Variants in OXR1 observed in about 807,000 individuals in gnomAD.
OXR1 encodes the protein oxidation resistance 1.
In OXR1, 41 loss-of-function variants were observed where a neutral mutation model predicts 104.6. The ratio of observed to expected loss-of-function variants is 0.39; its 90% CI spans 0.31 to 0.51. The LOEUF is 0.51. Among genes scored for constraint, OXR1 ranks in the 20% least tolerant of loss-of-function variants. The pLI, the probability that OXR1 is intolerant of heterozygous loss-of-function variation, is 0.77. For missense variants in OXR1, 955 were observed against 1,031.9 expected, an observed-to-expected ratio of 0.93 and a Z score of 1.02; for synonymous variants, 348 against 348.4, an observed-to-expected ratio of 1.00 and a Z score of 0.01.
intron 3 of OXR1, among the ~76,000 whole-genome samples, chr8:106,568,026 C>A (rs2130540963): frequency 6.6e-6 from 1 of 152,154 alleles, no homozygotes; most frequent in Admixed American, 6.6e-5. Context: ...CTTTGTGTTC[C>A]CATCTACAAA....
At chr8:106,369,368 G>T (rs1026685110) in intron 2 of OXR1, among the ~76,000 whole-genome samples, 3 of 152,150 alleles carry the variant, frequency 2.0e-5, no homozygotes, top group African/African-American at 7.2e-5. Flanking sequence ...TTTGATGACA[G>T]TTTATTTTGC....
chr8:106,420,315 C>T (rs1449095084), intron 2 of OXR1, among the ~76,000 whole-genome samples: 5 of 151,674 alleles, frequency 3.3e-5, no homozygotes, highest in African/African-American at 9.7e-5. Context: ...ATATATTTTT[C>T]TTATGAATTT....
intron 3 of OXR1, among the ~76,000 whole-genome samples, chr8:106,632,188 A>G (rs539312939): frequency 3.5e-4 from 54 of 152,170 alleles, no homozygotes; most frequent in Non-Finnish European, 6.9e-4. Context: ...AGAGAAAAAA[A>G]TAGTGTTCTT....
At chr8:106,475,490 G>T (rs1175191775) in intron 2 of OXR1, among the ~76,000 whole-genome samples, 1 of 151,800 alleles carries the variant, frequency 6.6e-6, no homozygotes, top group African/African-American at 2.4e-5. Context: ...AGGTGGAAGG[G>T]GAGGCAGGAG....
At chr8:106,594,531 G>A (rs1819364577) in intron 3 of OXR1, among the ~76,000 whole-genome samples, 1 of 152,152 alleles carries the variant, frequency 6.6e-6, no homozygotes, top group Non-Finnish European at 1.5e-5. Context: ...TATTAGTTGA[G>A]AGTTGTACCT....
At chr8:106,288,743 A>G (rs1037008131) in intron 1 of OXR1, among the ~76,000 whole-genome samples, 1 of 147,892 alleles carries the variant, frequency 6.8e-6, no homozygotes, top group South Asian at 2.1e-4. Flanking sequence ...TATAGAGAGA[A>G]TATGTATTTG....
At chr8:106,482,165 A>G (rs1822164811) in intron 2 of OXR1, among the ~76,000 whole-genome samples, 1 of 152,018 alleles carries the variant, frequency 6.6e-6, no homozygotes, top group Non-Finnish European at 1.5e-5. Flanking sequence ...AGAGTAAGTA[A>G]CATCAAGCTG....
rs547807246 is a variant in OXR1 at position 106,634,068 on chromosome 8, A to G, written c.221-45142A>G. Among the ~76,000 whole-genome samples, 7 of 152,292 alleles carry G rather than the reference A, an allele frequency of 4.6e-5. No homozygotes were observed. In the South Asian group the frequency reaches 1.2e-3, roughly 27 times the overall value. Reference sequence around the variant, plus strand: ...ATTTTGAACCATTTTACATAGTACCATTTTGTTACAAAATTTCCATGATAA... The same window carrying G: ...ATTTTGAACCATTTTACATAGTACCGTTTTGTTACAAAATTTCCATGATAA... On this transcript the variant is annotated intron_variant, in intron 3 of 16. Transcript: ENST00000517566.
chr8:106,721,160 G>A (rs1397359267), intron 11 of OXR1, among the ~76,000 whole-genome samples: 1 of 151,892 alleles, frequency 6.6e-6, no homozygotes, highest in Non-Finnish European at 1.5e-5. Flanking sequence ...CTCAAAGGTG[G>A]AGCTTTTTAT....
chr8:106,573,018 T>G (rs1563614720), intron 3 of OXR1, among the ~76,000 whole-genome samples: 2 of 152,100 alleles, frequency 1.3e-5, no homozygotes, highest in Non-Finnish European at 2.9e-5. Flanking sequence ...TAGTCCACAG[T>G]TATTACACTG....
At chr8:106,632,737 T>A (rs1423139732) in intron 3 of OXR1, among the ~76,000 whole-genome samples, 1 of 152,184 alleles carries the variant, frequency 6.6e-6, no homozygotes, top group Admixed American at 6.5e-5. Flanking sequence ...TATTGCATAT[T>A]CCAGCATGGG....
intron 3 of OXR1, among the ~76,000 whole-genome samples, chr8:106,526,574 G>A (rs528720447): frequency 1.2e-4 from 18 of 152,286 alleles, no homozygotes; most frequent in Non-Finnish European, 1.8e-4. Context: ...ACGGAGTCTC[G>A]CTCTGTCGCC....
At chr8:106,538,605 A>C (rs1437711108) in intron 3 of OXR1, among the ~76,000 whole-genome samples, 1 of 152,130 alleles carries the variant, frequency 6.6e-6, no homozygotes, top group African/African-American at 2.4e-5. Flanking sequence ...AAACTTCTTT[A>C]TTTAGCACAA....
intron 3 of OXR1, among the ~76,000 whole-genome samples, chr8:106,644,379 A>T (rs151236627): frequency 9.3e-4 from 142 of 152,352 alleles, no homozygotes; most frequent in African/African-American, 3.1e-3. Flanking sequence ...ATCATTTGCA[A>T]AATCTATCAG....
intron 9 of OXR1, 149 bp from the exon 10 acceptor site, chr8:106,710,473 A>T (rs942485444): frequency 2.4e-6 from 1 of 422,008 alleles, no homozygotes; most frequent in Non-Finnish European, 4.1e-6. Flanking sequence ...GAAGGAAAAA[A>T]AATATAAATT....
chr8:106,449,978 C>T (rs1820224554), intron 2 of OXR1, among the ~76,000 whole-genome samples: 1 of 152,144 alleles, frequency 6.6e-6, no homozygotes, highest in African/African-American at 2.4e-5. Context: ...AAACATTACT[C>T]TGAAACTTGA....
chr8:106,513,068 A>G (rs1402585010), intron 2 of OXR1, among the ~76,000 whole-genome samples: 1 of 152,166 alleles, frequency 6.6e-6, no homozygotes, highest in South Asian at 2.1e-4. Context: ...TGAGTGTAAG[A>G]TTTCCTATGC....
intron 1 of OXR1, among the ~76,000 whole-genome samples, chr8:106,324,010 G>A (rs917213834): frequency 1.3e-5 from 2 of 152,138 alleles, no homozygotes; most frequent in African/African-American, 4.8e-5. Flanking sequence ...CCATTACTGG[G>A]TATATACCCA....
intron 3 of OXR1, among the ~76,000 whole-genome samples, chr8:106,574,385 G>A (rs373540563): frequency 2.0e-5 from 3 of 152,074 alleles, no homozygotes; most frequent in Admixed American, 2.0e-4. Context: ...ACATCTGCCA[G>A]TGGAAAAAAA....
Sources: allele counts gnomAD v4.1 joint callset (sites outside exome capture counted in the v4.1 genomes callset), GRCh38; gene constraint gnomAD v4.1.1; transcripts MANE v1.5; gene names NCBI Gene and HGNC (gene_info 2026-07-23, HGNC 2026-07-21).